Variants in ADCY10 observed in about 807,000 individuals in gnomAD.
ADCY10 encodes the protein adenylate cyclase 10, also known as adenylate cyclase type 10.
ADCY10 carries 156 observed loss-of-function variants against 183.3 expected under a neutral mutation model. That is an observed-to-expected ratio of 0.85 (90% CI 0.75 to 0.97). ADCY10 has a LOEUF of 0.97. Ranked by LOEUF, ADCY10 falls within the 50% of genes least tolerant of loss-of-function variation. The pLI, the probability that ADCY10 is intolerant of heterozygous loss-of-function variation, is 0.00. For missense variants in ADCY10, 1,745 were observed against 1,934.3 expected (o/e 0.90, Z 1.84); for synonymous variants, 645 against 670.0 (o/e 0.96, Z 0.58).
chr1:167,821,884 C>T, intron 30 of ADCY10, 140 bp downstream of exon 30: 1 of 716,620 alleles, frequency 1.4e-6, no homozygotes, highest in South Asian at 1.6e-5. Context: ...TAACATGTCT[C>T]TCTGTGTAAA....
chr1:167,818,554 T>A (rs1571210844), intron 30 of ADCY10: 1 of 465,470 alleles, frequency 2.1e-6, no homozygotes, highest in East Asian at 5.2e-5. Flanking sequence ...TTTCTTTTTT[T>A]GAGACGAAGT....
intron 13 of ADCY10, among the ~76,000 whole-genome samples, chr1:167,870,764 C>T (rs10918792): frequency 3.3e-5 from 5 of 150,704 alleles, no homozygotes; most frequent in Admixed American, 2.0e-4. Context: ...AGCCGGGATC[C>T]TGCCATTGCA....
At chr1:167,906,182 G>A (rs1327713032) in intron 1 of ADCY10, among the ~76,000 whole-genome samples, 1 of 151,738 alleles carries the variant, frequency 6.6e-6, no homozygotes, top group Non-Finnish European at 1.5e-5. Context: ...ATAACTCAGG[G>A]AAAAATATTT....
At chr1:167,837,410 C>T (rs913657215) in intron 21 of ADCY10, 92 bp from the exon 22 acceptor site, 107 of 1,135,116 alleles carry the variant, frequency 9.4e-5, no homozygotes, top group African/African-American at 2.9e-4. Context: ...GTTCCCTTTT[C>T]GGAGTTGTTG....
rs546495679 is a variant in ADCY10, at chr1:167,851,558, C to T, written c.2308+2795G>A. Reference sequence around the variant, plus strand: ...TTAACATTGGTCGGGCACAGTGGCTCACGCCTGTAATCCCAGCATTTTGGG... The same window carrying T: ...TTAACATTGGTCGGGCACAGTGGCTTACGCCTGTAATCCCAGCATTTTGGG... On this transcript the variant is annotated intron_variant, in intron 18 of 32. Transcript: ENST00000367851. 1.2e-4 allele frequency among the ~76,000 whole-genome samples: 19 copies of T among 152,254 alleles called. 1 individual carries two copies. In the South Asian group the frequency reaches 3.9e-3, roughly 32 times the overall value.
chr1:167,857,977 A>G (rs564283268), intron 16 of ADCY10, among the ~76,000 whole-genome samples: 2 of 152,328 alleles, frequency 1.3e-5, no homozygotes, highest in South Asian at 2.1e-4. Flanking sequence ...TCACAAATCC[A>G]TATTTTTAAA....
chr1:167,886,840 A>T (rs1449747264), intron 8 of ADCY10, among the ~76,000 whole-genome samples: 1 of 152,224 alleles, frequency 6.6e-6, no homozygotes, highest in Non-Finnish European at 1.5e-5. Flanking sequence ...ACTTAAACAA[A>T]TTTGCAAGAA....
chr1:167,859,935 C>T, intron 15 of ADCY10, 42 bp from the exon 16 acceptor site: 1 of 1,428,566 alleles, frequency 7.0e-7, no homozygotes, highest in South Asian at 1.1e-5. Context: ...GGGAAAATAG[C>T]AAAGGGAACT....
intron 6 of ADCY10, among the ~76,000 whole-genome samples, chr1:167,899,181 C>T (rs2102403442): frequency 6.6e-6 from 1 of 152,298 alleles, no homozygotes; most frequent in South Asian, 2.1e-4. Context: ...CCTCAATCCC[C>T]AAATTCCATA....
intron 9 of ADCY10, among the ~76,000 whole-genome samples, chr1:167,882,757 A>T (rs920425604): frequency 6.6e-6 from 1 of 152,108 alleles, no homozygotes; most frequent in East Asian, 1.9e-4. Context: ...TCAGACGGGG[A>T]TGGCAGACTG....
At chr1:167,885,374 C>G (rs984192810) in intron 8 of ADCY10, among the ~76,000 whole-genome samples, 9 of 152,114 alleles carry the variant, frequency 5.9e-5, no homozygotes, top group African/African-American at 2.2e-4. Context: ...AACTGTTCTC[C>G]AAGGTGGCTG....
intron 30 of ADCY10, chr1:167,820,562 G>A (rs1662843242): frequency 3.4e-6 from 1 of 291,684 alleles, no homozygotes; most frequent in Middle Eastern, 9.0e-4. Flanking sequence ...ACTCACATTG[G>A]TAAGTTATTT....
chr1:167,873,048 C>T (rs914866434), intron 13 of ADCY10, among the ~76,000 whole-genome samples: 1 of 151,392 alleles, frequency 6.6e-6, no homozygotes, highest in Non-Finnish European at 1.5e-5. Context: ...CCAGCCTGGG[C>T]GACAGAGTGA....
In ADCY10 at chr1:167,845,986, C is replaced by T. The variant is rs1050792325; in HGVS notation, c.2715G>A (p.Met905Ile). Residue 905 changes from methionine to isoleucine, a missense_variant and splice_region_variant, in exon 20 of 33, where the codon ATG (methionine) becomes ATA (isoleucine). Physicochemically the swap from Met to Ile is conservative, Grantham distance 10. Coordinates refer to ENST00000367851, the MANE Select transcript of ADCY10 (RefSeq NM_018417.6). ...RSLSLKPSEGMDHGEEEQLRE... is the reference protein window; with the variant it reads ...RSLSLKPSEGIDHGEEEQLRE... Reference sequence around the variant, plus strand: ...TGGGTCACTCCAGGTGCTACTCACCCATCCCTTCACTGGGCTTCAGAGACA... The same window carrying T: ...TGGGTCACTCCAGGTGCTACTCACCTATCCCTTCACTGGGCTTCAGAGACA... 4.3e-6 allele frequency: 7 copies of T among 1,614,198 alleles called. No individual in the cohort carries two copies. The highest frequency in any genetic ancestry group is 2.2e-5 in the East Asian group (1 of 44,886).
Position 167,837,089 on chromosome 1 carries a change from G to A in ADCY10, c.3077+160C>T, listed in dbSNP as rs151250481. On this transcript the variant is annotated intron_variant, in intron 22 of 32. Coordinates refer to ENST00000367851, the MANE Select transcript of ADCY10 (RefSeq NM_018417.6). ...AAAGAGCAGGATAATAAAACCTAGTGTGGATACTACTGACTAAACTCACCA... is the reference window on the plus strand; with the variant it reads ...AAAGAGCAGGATAATAAAACCTAGTATGGATACTACTGACTAAACTCACCA... 1.3e-3 allele frequency: 920 copies of A among 699,932 alleles called. 5 individuals are homozygous for A. The African/African-American group carries it at 0.014, about 11-fold the overall frequency. 43.4% of individuals were successfully genotyped at this position (699,932 alleles called of 1,614,324 possible). A position where few individuals can be genotyped will look rare whatever the true frequency, so the allele number is the denominator to read the frequency against.
chr1:167,856,039 A>T (rs1665865138), intron 17 of ADCY10, 126 bp downstream of exon 17: 2 of 1,106,674 alleles, frequency 1.8e-6, no homozygotes, highest in African/African-American at 1.6e-5. Context: ...AAAATTTTTT[A>T]AAAGGTGGGG....
At chr1:167,839,677 G>A (rs1664471124) in intron 21 of ADCY10, among the ~76,000 whole-genome samples, 1 of 152,024 alleles carries the variant, frequency 6.6e-6, no homozygotes, top group Non-Finnish European at 1.5e-5. Flanking sequence ...TCTGTTCATT[G>A]TCTGTCAGTT....
At chr1:167,822,915 G>GC in intron 29 of ADCY10, 93 bp downstream of exon 29, 1 of 1,080,906 alleles carries the variant, frequency 9.3e-7, no homozygotes, top group South Asian at 1.3e-5. Context: ...CAGAAACCTA[G>GC]TGGTCCCAAA....
Position 167,845,776 on chromosome 1 carries a change from T to C in ADCY10, c.2794A>G (p.Met932Val), listed in dbSNP as rs201679360. 23 of 1,614,208 alleles carry C rather than the reference T, an allele frequency of 1.4e-5. No individual in the cohort carries two copies. The highest frequency in any genetic ancestry group is 4.0e-5 in the African/African-American group (3 of 75,060). Reference protein sequence around the residue: ...ECHRIRFCNPMMQKTAYELWL... With the variant: ...ECHRIRFCNPVMQKTAYELWL... The stretch of plus-strand genomic sequence containing the variant: ...AGCTCGTAGGCTGTTTTCTGCATCA[T>C]AGGGTTACAGAATCGAATCCTGTGG... Residue 932 changes from methionine to valine, a missense_variant, in exon 21 of 33, where the codon ATG becomes GTG. Coordinates refer to ENST00000367851, the MANE Select transcript of ADCY10 (RefSeq NM_018417.6).
Sources: gnomAD v4.1 joint callset for allele counts (sites outside exome capture counted in the v4.1 genomes callset) on GRCh38, gnomAD v4.1.1 for gene constraint, MANE v1.5 for transcripts, NCBI Gene and HGNC (gene_info 2026-07-23, HGNC 2026-07-21) for gene names.